The following HMCN2 variants were observed in gnomAD, a reference collection of about 807,000 sequenced individuals.
HMCN2 encodes the protein hemicentin 2.
HMCN2 carries 325 observed loss-of-function variants against 377.5 expected under a neutral mutation model. The observed-to-expected ratio is 0.86, with a 90% CI of 0.79 to 0.94. The LOEUF (loss-of-function observed/expected upper bound fraction) is 0.94. Among genes scored for constraint, HMCN2 ranks in the 40% least tolerant of loss-of-function variants. The pLI is 0.00. For missense variants in HMCN2, 4,543 were observed against 4,725.3 expected (o/e 0.96, Z 1.13); for synonymous variants, 2,007 against 2,046.8 (o/e 0.98, Z 0.53).
In HMCN2 at chr9:130,399,545, C is replaced by T; in HGVS notation, c.11518C>T (p.Pro3840Ser). Residue 3840 changes from proline (P) to serine (S), a missense_variant, in exon 76 of 98, where the codon CCC becomes TCC. Physicochemically the swap from Pro to Ser is moderately conservative, Grantham distance 74. This residue lies in a region of HMCN2 where 1,073 missense variants were observed against 1,319.5 expected (regional missense o/e 0.81). Transcript: ENST00000683500. ...CTCCAACGCCCTGCTCCTCACGGCC[C>T]CCGGCCCCCAGGACTCAGCCCAGTT... ...LPSNALLLTA[P>S]GPQDSAQFEC... 7.8e-7 allele frequency: 1 copy of T among 1,289,562 alleles called. No homozygotes were observed. The highest frequency in any genetic ancestry group is 1.0e-6 in the Non-Finnish European group (1 of 988,642). 79.9% of individuals were successfully genotyped at this position (1,289,562 alleles called of 1,614,324 possible). A position where few individuals can be genotyped will look rare whatever the true frequency, so the allele number is the denominator to read the frequency against.
Position 130,357,858 on chromosome 9 carries a change from G to C in HMCN2, c.5450G>C (p.Gly1817Ala). ...GAGTTCCCATCGGTCAGTATCATTG[G>C]GGGTGAGAACATCACAGCTCCTTTC... ...VHEFPSVSIIGGENITAPFLQ... is the reference protein window; with the variant it reads ...VHEFPSVSIIAGENITAPFLQ... Residue 1817 changes from glycine (G) to alanine (A), a missense_variant, in exon 35 of 98, where the codon GGG (glycine) becomes GCG (alanine). This residue lies in a region of HMCN2 where 1,032 missense variants were observed against 1,285.1 expected (regional missense o/e 0.80). Transcript: ENST00000683500. 7.7e-7 allele frequency: 1 copy of C among 1,304,024 alleles called. No individual in the cohort carries two copies. Among genetic ancestry groups the C allele is most frequent in the Middle Eastern group, 2.1e-4 (1 of 4,696 alleles). 80.8% of individuals were successfully genotyped at this position (1,304,024 alleles called of 1,614,324 possible).
At chr9:130,430,096 G>C in intron 94 of HMCN2, 188 bp from the exon 95 acceptor site, 2 of 623,128 alleles carry the variant, frequency 3.2e-6, no homozygotes, top group Admixed American at 2.9e-5. Flanking sequence ...TCTGGGAGCT[G>C]TAGGTGGAAT....
chr9:130,391,901 C>T (rs889193735), intron 65 of HMCN2, 34 bp from the exon 66 acceptor site: 3 of 981,942 alleles, frequency 3.1e-6, no homozygotes, highest in Middle Eastern at 3.4e-4. Flanking sequence ...CCCAAGACCT[C>T]CGCACTACCC....
At position 130,395,198 on chromosome 9, in the gene HMCN2, AC is replaced by A; in HGVS notation, c.10775-8del. On this transcript the variant is annotated splice_polypyrimidine_tract_variant and intron_variant, in intron 70 of 97. Coordinates refer to ENST00000683500, the MANE Select transcript of HMCN2 (RefSeq NM_001291815.2). Reference sequence around the variant, plus strand: ...TCCCCCTCTCATATCCTCTTGTGCCACCCCCTTCCCAGCCCCTCCAAACATT... The same window carrying A: ...TCCCCCTCTCATATCCTCTTGTGCCACCCCTTCCCAGCCCCTCCAAACATT... The A allele has an allele frequency of 7.8e-7, 1 of 1,286,038 alleles. No homozygotes were observed. The highest frequency in any genetic ancestry group is 1.0e-6 in the Non-Finnish European group (1 of 987,150). The allele number at this position is 1,286,038 out of a possible 1,614,324, so 79.7% of individuals were successfully genotyped here. A position where few individuals can be genotyped will look rare whatever the true frequency, so the allele number is the denominator to read the frequency against.
chr9:130,325,525 T>G (rs1838086965), intron 19 of HMCN2, 70 bp from the exon 20 acceptor site: 2 of 152,302 alleles, frequency 1.3e-5, no homozygotes, highest in African/African-American at 4.8e-5. Context: ...TTTGGGCTGT[T>G]TCTACCTTTT....
intron 27 of HMCN2, 88 bp downstream of exon 27, chr9:130,348,763 G>A: frequency 7.9e-7 from 1 of 1,271,894 alleles, no homozygotes; most frequent in Non-Finnish European, 1.0e-6. Flanking sequence ...GTGTGCCAAG[G>A]TGGGGCAGGG....
intron 92 of HMCN2, 100 bp downstream of exon 92, chr9:130,427,719 A>C: frequency 7.2e-7 from 1 of 1,387,720 alleles, no homozygotes; most frequent in Non-Finnish European, 9.6e-7. Context: ...GGGGACACAG[A>C]CCTGCAGGGA....
chr9:130,284,640 G>A lies in HMCN2; in HGVS notation c.297G>A (p.Val99=), dbSNP rs782141263. The A allele has an allele frequency of 4.5e-5, 21 of 471,084 alleles. No homozygotes were observed. Among genetic ancestry groups the A allele is most frequent in the Non-Finnish European group, 7.9e-5 (18 of 227,066 alleles). 29.2% of individuals were successfully genotyped at this position (471,084 alleles called of 1,614,324 possible). ...TGACCCTCACGGCGGACCCCACAGT[G>A]TTTCAGAGGGAGCTGAGAGAACTCT... ...GPVTLTADPT[V]FQRELRELYV... is the part of the protein sequence containing the mutation. Residue 99 remains valine (V), a synonymous_variant, in exon 2 of 98, where the codon GTG becomes GTA. Coordinates refer to ENST00000683500, the MANE Select transcript of HMCN2 (RefSeq NM_001291815.2).
At chr9:130,409,448 A>C (rs529445333) in intron 84 of HMCN2, among the ~76,000 whole-genome samples, 1 of 152,256 alleles carries the variant, frequency 6.6e-6, no homozygotes, top group South Asian at 2.1e-4. Flanking sequence ...TTTGTGTCTC[A>C]AGTTCTGGTG....
intron 21 of HMCN2, among the ~76,000 whole-genome samples, chr9:130,326,760 G>T (rs1318374416): frequency 6.6e-6 from 1 of 152,090 alleles, no homozygotes; most frequent in African/African-American, 2.4e-5. Flanking sequence ...AGGCGGAGGC[G>T]GGGAGCGGGG....
At chr9:130,331,880 A>G (rs953776437) in intron 22 of HMCN2, among the ~76,000 whole-genome samples, 140 of 152,294 alleles carry the variant, frequency 9.2e-4, no homozygotes, top group East Asian at 3.5e-3. Context: ...GTGTGGGGGC[A>G]GTGAGAGGAT....
rs905731494 is a variant in HMCN2 at position 130,395,864 on chromosome 9, G to T, written c.10912-60G>T. 3.2e-5 allele frequency: 40 copies of T among 1,239,760 alleles called. No homozygotes were observed. In the South Asian group the frequency reaches 3.2e-4, roughly 10 times the overall value. 76.8% of individuals were successfully genotyped at this position (1,239,760 alleles called of 1,614,324 possible). A position where few individuals can be genotyped will look rare whatever the true frequency, so the allele number is the denominator to read the frequency against. ...TCCTCAGTCTTCCACATCTGCTGCC[G>T]GGTGGCCTGACGCAGCTGGGCACTG... On this transcript the variant is annotated intron_variant, in intron 71 of 97. Transcript: ENST00000683500.
intron 1 of HMCN2, among the ~76,000 whole-genome samples, chr9:130,277,772 C>CCACCAT (rs1564739366): frequency 1.0e-5 from 1 of 96,596 alleles, no homozygotes; most frequent in Non-Finnish European, 2.2e-5. Flanking sequence ...ATCACCACCA[C>CCACCAT]CATCATCATC....
chr9:130,381,991 C>A (rs1021310195), intron 54 of HMCN2, among the ~76,000 whole-genome samples, 193 bp from the exon 55 acceptor site: 5 of 152,122 alleles, frequency 3.3e-5, no homozygotes, highest in Non-Finnish European at 5.9e-5. Context: ...TGGCACGCAG[C>A]GAGTGGTGGC....
chr9:130,374,916 G>A (rs986624410), intron 49 of HMCN2, among the ~76,000 whole-genome samples: 1 of 152,204 alleles, frequency 6.6e-6, no homozygotes, highest in African/African-American at 2.4e-5. Flanking sequence ...ACTAGGAGGT[G>A]GGAGATGTGC....
In HMCN2 at chr9:130,286,320, G is replaced by T. The variant is rs1835410762; in HGVS notation, c.612+10G>T. 2 of 470,686 alleles carry T rather than the reference G, an allele frequency of 4.2e-6. No individual in the cohort carries two copies. The highest frequency in any genetic ancestry group is 8.8e-6 in the Non-Finnish European group (2 of 227,038). 29.2% of individuals were successfully genotyped at this position (470,686 alleles called of 1,614,324 possible). A position where few individuals can be genotyped will look rare whatever the true frequency, so the allele number is the denominator to read the frequency against. ...GCAGCAAGTGACAGAGGTGAGCACT[G>T]GGAGGGGGCACCATCCCGGAGCCCA... On this transcript the variant is annotated intron_variant, in intron 4 of 97. Coordinates refer to ENST00000683500, the MANE Select transcript of HMCN2 (RefSeq NM_001291815.2).
intron 55 of HMCN2, among the ~76,000 whole-genome samples, 166 bp downstream of exon 55, chr9:130,382,463 C>G (rs755953803): frequency 6.6e-6 from 1 of 152,182 alleles, no homozygotes; most frequent in Non-Finnish European, 1.5e-5. Context: ...GGCGCAGGTT[C>G]CAAGTCAGAA....
chr9:130,430,152 G>A, intron 94 of HMCN2, 132 bp from the exon 95 acceptor site: 1 of 741,904 alleles, frequency 1.3e-6, no homozygotes, highest in Non-Finnish European at 2.2e-6. Flanking sequence ...ATGCAGCGTG[G>A]CTCACATGCA....
intron 49 of HMCN2, 98 bp downstream of exon 49, chr9:130,374,791 T>G (rs886601525): frequency 1.9e-6 from 1 of 527,056 alleles, no homozygotes; most frequent in African/African-American, 2.1e-5. Flanking sequence ...ACCATTCTAC[T>G]ATTTTTCTTC....
Sources: allele counts gnomAD v4.1 joint callset (sites outside exome capture counted in the v4.1 genomes callset), GRCh38; gene constraint gnomAD v4.1.1; regional missense constraint gnomAD v4.1.1; transcripts MANE v1.5; gene names NCBI Gene and HGNC (gene_info 2026-07-23, HGNC 2026-07-21).